Variants in TTK observed in about 807,000 individuals in gnomAD.
TTK encodes the protein dual specificity protein kinase TTK.
Under a neutral mutation model 117.3 loss-of-function variants are expected in TTK, and 59 were observed. The ratio of observed to expected loss-of-function variants is 0.50; its 90% CI spans 0.41 to 0.62. The LOEUF is 0.62. TTK is among the 20% of genes least tolerant of loss of function. The probability of loss-of-function intolerance (pLI) is 0.00; values close to 1 mark genes in which losing one functional copy is unlikely to be tolerated. For synonymous variants in TTK, 302 were observed against 325.0 expected (o/e 0.93, Z 0.76); for missense variants, 921 against 989.4 (o/e 0.93, Z 0.93).
At chr6:80,032,821 C>T (rs889851508) in intron 14 of TTK, among the ~76,000 whole-genome samples, 13 of 152,284 alleles carry the variant, frequency 8.5e-5, no homozygotes, top group South Asian at 2.1e-4. Flanking sequence ...TTCATTTACT[C>T]AGTCCTTGCC....
chr6:80,014,613 G>T lies in TTK; in HGVS notation c.1108+27G>T. The T allele has an allele frequency of 3.2e-6, 5 of 1,560,862 alleles. No homozygotes were observed. The African/African-American group carries it at 4.1e-5, about 13-fold the overall frequency. On this transcript the variant is annotated intron_variant, in intron 10 of 21. Transcript: ENST00000369798. ...TAAGAGTAACAAAATCAGTAGACTT[G>T]TATGTTTAGTTAAGAAAACCACTTG...
At chr6:80,008,073 A>T (rs1007763019) in intron 3 of TTK, 42 bp downstream of exon 3, 1 of 1,562,202 alleles carries the variant, frequency 6.4e-7, no homozygotes, top group Non-Finnish European at 8.8e-7. Flanking sequence ...ATGTTACATA[A>T]TATGTAACTA....
Position 80,011,503 on chromosome 6 carries a change from G to A in TTK, c.683G>A (p.Ser228Asn), listed in dbSNP as rs371130809. The A allele has an allele frequency of 3.7e-6, 6 of 1,610,210 alleles. No individual in the cohort carries two copies. The highest frequency in any genetic ancestry group is 2.2e-5 in the South Asian group (2 of 90,178). Residue 228 changes from serine to asparagine, a missense_variant, in exon 6 of 22, where the codon AGT becomes AAT. Transcript: ENST00000369798. ...GGGCATTTACAGAATAGGAACAACA[G>A]TTGTGATTCCAGAGGACAGACTACT... is the stretch of plus-strand genomic sequence containing the variant. ...SLGHLQNRNNSCDSRGQTTKA... is the reference protein window; with the variant it reads ...SLGHLQNRNNNCDSRGQTTKA...
At chr6:80,014,434 G>A in intron 9 of TTK, 29 bp from the exon 10 acceptor site, 6 of 1,576,576 alleles carry the variant, frequency 3.8e-6, no homozygotes, top group East Asian at 2.3e-5. Context: ...CTATTTATGG[G>A]ACTTTATTTG....
chr6:80,031,516 T>C lies in TTK; in HGVS notation c.1571T>C (p.Ile524Thr). The C allele has an allele frequency of 6.5e-7, 1 of 1,533,738 alleles. No homozygotes were observed. Among genetic ancestry groups the C allele is most frequent in the Non-Finnish European group, 8.7e-7 (1 of 1,146,842 alleles). Residue 524 changes from isoleucine (I) to threonine (T), a missense_variant, in exon 14 of 22, where the codon ATT becomes ACT. Physicochemically the swap from Ile to Thr is moderately conservative, Grantham distance 89. Coordinates refer to ENST00000369798, the MANE Select transcript of TTK (RefSeq NM_003318.5). ...ANECISVKGR[I>T]YSILKQIGSG... is the part of the protein sequence containing the mutation. ...GAATGCATTTCGGTTAAAGGAAGAA[T>C]TTATTCCATATTAAAGCAGATAGGA... is the stretch of plus-strand genomic sequence containing the variant.
intron 21 of TTK, among the ~76,000 whole-genome samples, 194 bp from the exon 22 acceptor site, chr6:80,041,925 T>G (rs1768058126): frequency 6.6e-6 from 1 of 151,740 alleles, no homozygotes; most frequent in South Asian, 2.1e-4. Context: ...TATCTCATGA[T>G]AGGTAATGCT....
chr6:80,008,266 T>A (rs1220956332), intron 3 of TTK, 120 bp from the exon 4 acceptor site: 5 of 1,088,282 alleles, frequency 4.6e-6, no homozygotes, highest in Non-Finnish European at 6.5e-6. Context: ...TTATTAGTAT[T>A]TAATTTTACC....
At chr6:80,019,576 C>T (rs1382254162) in intron 10 of TTK, among the ~76,000 whole-genome samples, 1 of 152,130 alleles carries the variant, frequency 6.6e-6, no homozygotes, top group Non-Finnish European at 1.5e-5. Context: ...AAATGTTATA[C>T]AAAGCTAGTC....
rs112229451 is a variant in TTK, at chr6:80,016,676, C to G, written c.1108+2090C>G. ...AAAACGCATAATTATTTTTCTTTCCCTTTTTAGTTTCTTAGCTGAGACACT... is the reference window on the plus strand; with the variant it reads ...AAAACGCATAATTATTTTTCTTTCCGTTTTTAGTTTCTTAGCTGAGACACT... On this transcript the variant is annotated intron_variant, in intron 10 of 21. Coordinates refer to ENST00000369798, the MANE Select transcript of TTK (RefSeq NM_003318.5). Among the ~76,000 whole-genome samples the G allele has an allele frequency of 1.9e-3, 290 of 151,984 alleles. 3 individuals carry two copies. Among genetic ancestry groups the G allele is most frequent in the African/African-American group, 6.1e-3 (251 of 41,452 alleles).
chr6:80,029,897 A>T (rs1323030779), intron 13 of TTK, among the ~76,000 whole-genome samples: 3 of 152,224 alleles, frequency 2.0e-5, no homozygotes, highest in Non-Finnish European at 4.4e-5. Context: ...GAGAAAGGAC[A>T]TTGAACTGCT....
At chr6:80,011,143 A>T (rs970971715) in intron 5 of TTK, among the ~76,000 whole-genome samples, 186 bp downstream of exon 5, 1 of 151,938 alleles carries the variant, frequency 6.6e-6, no homozygotes, top group African/African-American at 2.4e-5. Context: ...CTTTTTTGCT[A>T]ACTAAACTTT....
intron 7 of TTK, 28 bp from the exon 8 acceptor site, chr6:80,011,858 G>T (rs980500641): frequency 9.9e-6 from 16 of 1,611,790 alleles, no homozygotes; most frequent in Non-Finnish European, 1.4e-5. Context: ...TTCCTAGTTG[G>T]TTATTTAATC....
At chr6:80,026,268 T>G (rs1481783595) in intron 11 of TTK, 110 bp from the exon 12 acceptor site, 4 of 1,152,038 alleles carry the variant, frequency 3.5e-6, no homozygotes, top group Non-Finnish European at 4.8e-6. Context: ...TAGTATGCCT[T>G]TGTATATCAT....
rs759411514 is a variant in TTK at position 80,022,427 on chromosome 6, A to C, written c.1212A>C (p.Ser404=). 1 of 1,614,048 alleles carries C rather than the reference A, an allele frequency of 6.2e-7. No individual in the cohort carries two copies. Among genetic ancestry groups the C allele is most frequent in the East Asian group, 2.2e-5 (1 of 44,860 alleles). ...ECINQNPAAS[S]NHWQIPELAR... The stretch of plus-strand genomic sequence containing the variant: ...TTAACCAGAATCCTGCTGCATCTTC[A>C]AATCACTGGCAGATTCCGGAGTTAG... Residue 404 remains serine, a synonymous_variant, in exon 11 of 22, where the codon TCA becomes TCC. Coordinates refer to ENST00000369798, the MANE Select transcript of TTK (RefSeq NM_003318.5).
Position 80,013,366 on chromosome 6 carries a change from G to A in TTK, c.984G>A (p.Lys328=). ...ATTCCTGTGAATTAAGAAATTTAAA[G>A]GTATTTTAATTCTATATCATTATAT... ...GNDSCELRNL[K]SVQNSHFKEP... is the part of the protein sequence containing the mutation. Residue 328 remains lysine, a splice_region_variant and synonymous_variant, in exon 9 of 22, where the codon AAG becomes AAA. Coordinates refer to ENST00000369798, the MANE Select transcript of TTK (RefSeq NM_003318.5). 6.3e-7 allele frequency: 1 copy of A among 1,590,064 alleles called. No individual in the cohort carries two copies. The highest frequency in any genetic ancestry group is 1.2e-5 in the South Asian group (1 of 86,684).
chr6:80,028,037 T>C, intron 13 of TTK, 26 bp downstream of exon 13: 3 of 1,573,424 alleles, frequency 1.9e-6, no homozygotes, highest in Non-Finnish European at 1.7e-6. Context: ...TATATGATGG[T>C]ATATGTTAAG....
At chr6:80,007,653 A>G (rs1199591834) in intron 2 of TTK, among the ~76,000 whole-genome samples, 156 bp from the exon 3 acceptor site, 1 of 152,118 alleles carries the variant, frequency 6.6e-6, no homozygotes, top group African/African-American at 2.4e-5. Flanking sequence ...AGTTACTTGT[A>G]TTTATATGAA....
Position 80,005,955 on chromosome 6 carries a change from T to C in TTK, c.112T>C (p.Leu38=), listed in dbSNP as rs1336226624. 4 of 1,608,122 alleles carry C rather than the reference T, an allele frequency of 2.5e-6. No individual in the cohort carries two copies. The highest frequency in any genetic ancestry group is 1.7e-4 in the Middle Eastern group (1 of 6,030). The change falls in exon 2 of 22, where the codon TTG becomes CTG. Residue 38 remains leucine, a synonymous_variant. Transcript: ENST00000369798. ...TGAAGACCTTACTGATGAACTAAGC[T>C]TGAATAAAATTTCTGCTGATACTAC... ...KNEDLTDELS[L]NKISADTTDN...
chr6:80,014,575 C>T lies in TTK; in HGVS notation c.1097C>T (p.Ala366Val), dbSNP rs1243670930. 6.3e-7 allele frequency: 1 copy of T among 1,594,062 alleles called. No individual in the cohort carries two copies. Among genetic ancestry groups the T allele is most frequent in the Admixed American group, 1.7e-5 (1 of 57,416 alleles). The change falls in exon 10 of 22, where the codon GCT becomes GTT. Residue 366 changes from alanine to valine, a missense_variant. Transcript: ENST00000369798. ...AATAAAACGGAATCAAGTCTTCTAGCTAAATTAGAAGGTAAGAGTAACAAA... is the reference window on the plus strand; with the variant it reads ...AATAAAACGGAATCAAGTCTTCTAGTTAAATTAGAAGGTAAGAGTAACAAA... ...LKNKTESSLL[A>V]KLEETKEYQE...
Sources: gnomAD v4.1 joint callset for allele counts (sites outside exome capture counted in the v4.1 genomes callset) on GRCh38, gnomAD v4.1.1 for gene constraint, MANE v1.5 for transcripts, NCBI Gene and HGNC (gene_info 2026-07-23, HGNC 2026-07-21) for gene names.